DIS3L2: variants seen among roughly 807,000 people sequenced by gnomAD.
DIS3L2 encodes the protein DIS3 like 3'-5' exoribonuclease 2.
A neutral mutation model predicts 97.5 loss-of-function variants in DIS3L2; 34 were observed. That is an observed-to-expected ratio of 0.35 (90% CI 0.27 to 0.46). DIS3L2 has a LOEUF of 0.46. Ranked by LOEUF, DIS3L2 falls within the 20% of genes least tolerant of loss-of-function variation. The pLI is 1.00. For synonymous variants in DIS3L2, 435 were observed against 445.2 expected (o/e 0.98, Z 0.29); for missense variants, 1,038 against 1,146.0 (o/e 0.91, Z 1.36).
chr2:232,181,513 C>G (rs1044671429), intron 9 of DIS3L2, among the ~76,000 whole-genome samples: 6 of 152,136 alleles, frequency 3.9e-5, no homozygotes, highest in African/African-American at 1.4e-4. Context: ...TTGCTTGTTT[C>G]TTTTTATTCT....
intron 5 of DIS3L2, among the ~76,000 whole-genome samples, chr2:232,068,008 G>A: frequency 6.6e-6 from 1 of 152,248 alleles, no homozygotes; most frequent in South Asian, 2.1e-4. Context: ...GAGATGGGGA[G>A]AGAAGGATTA....
At chr2:232,074,083 T>A (rs918406482) in intron 5 of DIS3L2, among the ~76,000 whole-genome samples, 11 of 152,228 alleles carry the variant, frequency 7.2e-5, no homozygotes, top group Non-Finnish European at 1.6e-4. Flanking sequence ...ATATTTGCAT[T>A]TATATTGAAA....
chr2:232,084,562 G>T (rs1696512634), intron 5 of DIS3L2, among the ~76,000 whole-genome samples: 1 of 152,154 alleles, frequency 6.6e-6, no homozygotes, highest in South Asian at 2.1e-4. Context: ...TGCAGGAAGG[G>T]CCCTGCGGGA....
At chr2:231,983,479 GT>G (rs1693317400) in intron 1 of DIS3L2, among the ~76,000 whole-genome samples, 1 of 152,204 alleles carries the variant, frequency 6.6e-6, no homozygotes, top group African/African-American at 2.4e-5. Context: ...AAGCATTACT[GT>G]TTGAGCTCCA....
chr2:232,032,191 T>C (rs2106242272), intron 5 of DIS3L2, among the ~76,000 whole-genome samples: 1 of 152,376 alleles, frequency 6.6e-6, no homozygotes, highest in South Asian at 2.1e-4. Flanking sequence ...GACTTTTTAG[T>C]GATCTCCATT....
At chr2:232,009,171 G>A (rs1364449400) in intron 1 of DIS3L2, among the ~76,000 whole-genome samples, 1 of 152,078 alleles carries the variant, frequency 6.6e-6, no homozygotes, top group Non-Finnish European at 1.5e-5. Context: ...TATAATAGCT[G>A]CTTTGAAGTC....
intron 16 of DIS3L2, among the ~76,000 whole-genome samples, chr2:232,332,529 A>C (rs1004320136): frequency 1.3e-4 from 19 of 150,926 alleles, no homozygotes; most frequent in Non-Finnish European, 2.2e-4. Flanking sequence ...ACTGGCCCTG[A>C]CACCCAGCCC....
At chr2:232,127,353 T>G (rs767236248) in intron 6 of DIS3L2, among the ~76,000 whole-genome samples, 22 of 152,216 alleles carry the variant, frequency 1.4e-4, no homozygotes, top group Non-Finnish European at 2.9e-4. Context: ...ATCAACCTAA[T>G]TGCTAGTGTC....
chr2:232,282,337 C>T (rs1240440099), intron 13 of DIS3L2, among the ~76,000 whole-genome samples: 1 of 152,050 alleles, frequency 6.6e-6, no homozygotes, highest in Admixed American at 6.5e-5. Flanking sequence ...GGAGTGCCCC[C>T]CATCCCACCC....
chr2:232,101,242 C>T (rs1164957536), intron 6 of DIS3L2, among the ~76,000 whole-genome samples: 1 of 151,418 alleles, frequency 6.6e-6, no homozygotes, highest in Non-Finnish European at 1.5e-5. Flanking sequence ...AAAGATATAC[C>T]TTCCATTTAA....
chr2:232,100,358 T>A (rs1298156783), intron 6 of DIS3L2, among the ~76,000 whole-genome samples: 1 of 152,026 alleles, frequency 6.6e-6, no homozygotes, highest in Non-Finnish European at 1.5e-5. Flanking sequence ...CTATTGTTGA[T>A]GTTTTGTGTA....
At chr2:232,264,870 C>T (rs923600956) in intron 13 of DIS3L2, among the ~76,000 whole-genome samples, 2 of 152,214 alleles carry the variant, frequency 1.3e-5, no homozygotes, top group Non-Finnish European at 2.9e-5. Flanking sequence ...GTGGCAGAGT[C>T]AGGGTAGCCT....
At chr2:232,183,957 A>C (rs144463745) in intron 9 of DIS3L2, among the ~76,000 whole-genome samples, 1 of 152,270 alleles carries the variant, frequency 6.6e-6, no homozygotes, top group African/African-American at 2.4e-5. Flanking sequence ...CCACGATTAC[A>C]ATGCTGTTGA....
chr2:232,149,193 GTTT>G (rs762181547), intron 8 of DIS3L2, among the ~76,000 whole-genome samples: 1 of 137,730 alleles, frequency 7.3e-6, no homozygotes, highest in African/African-American at 2.6e-5. Context: ...GCGCTTAAAA[GTTT>G]TTTTTTTTTT....
intron 9 of DIS3L2, among the ~76,000 whole-genome samples, chr2:232,164,950 T>G (rs1005425126): frequency 6.6e-6 from 1 of 152,198 alleles, no homozygotes; most frequent in Non-Finnish European, 1.5e-5. Flanking sequence ...AATGATTTAA[T>G]GGGAAAAGAA....
chr2:232,162,941 T>A (rs1054185076), intron 8 of DIS3L2, among the ~76,000 whole-genome samples: 4 of 152,252 alleles, frequency 2.6e-5, no homozygotes, highest in African/African-American at 9.6e-5. Flanking sequence ...TGGATAATTT[T>A]AATTTTCTTC....
chr2:232,199,912 G>A lies in DIS3L2; in HGVS notation c.1125-10414G>A, dbSNP rs976120217. Reference sequence around the variant, plus strand: ...GCAAAATTTCTAAAATTGAAATCAAGCAAAAACAAATGGGCCTAATGTTTT... The same window carrying A: ...GCAAAATTTCTAAAATTGAAATCAAACAAAAACAAATGGGCCTAATGTTTT... On this transcript the variant is annotated intron_variant, in intron 9 of 20. Transcript: ENST00000325385. Among the ~76,000 whole-genome samples the A allele has an allele frequency of 2.6e-5, 4 of 152,060 alleles. No individual in the cohort carries two copies. In the East Asian group the frequency reaches 7.7e-4, roughly 29 times the overall value.
intron 10 of DIS3L2, among the ~76,000 whole-genome samples, chr2:232,211,143 C>T (rs377332546): frequency 6.6e-6 from 1 of 151,848 alleles, no homozygotes; most frequent in African/African-American, 2.4e-5. Flanking sequence ...CTCCCCCTCC[C>T]TTCCCCTCCC....
intron 14 of DIS3L2, 28 bp from the exon 15 acceptor site, chr2:232,329,785 T>TGCCGGGGCCCCCC: frequency 2.1e-6 from 2 of 967,144 alleles, no homozygotes; most frequent in Non-Finnish European, 2.9e-6. Context: ...ACCCCAGCGG[T>TGCCGGGGCCCCCC]CCCTCCCATC....
Sources: allele counts gnomAD v4.1 joint callset (sites outside exome capture counted in the v4.1 genomes callset), GRCh38; gene constraint gnomAD v4.1.1; transcripts MANE v1.5; gene names NCBI Gene and HGNC (gene_info 2026-07-23, HGNC 2026-07-21).